The following DSCAM variants were observed in gnomAD, a reference collection of about 807,000 sequenced individuals.
DSCAM encodes the protein DS cell adhesion molecule, also known as cell adhesion molecule DSCAM.
In DSCAM, 47 loss-of-function variants were observed where a neutral mutation model predicts 217.7. The observed-to-expected ratio is 0.22, with a 90% CI of 0.17 to 0.28. The LOEUF (loss-of-function observed/expected upper bound fraction) is 0.28. Ranked by LOEUF, DSCAM falls within the 10% of genes least tolerant of loss-of-function variation. The pLI is 1.00. For synonymous variants in DSCAM, 1,056 were observed against 1,015.3 expected (o/e 1.04, Z -0.76); for missense variants, 2,080 against 2,618.3 (o/e 0.79, Z 4.49).
rs902261876 is a variant in DSCAM at position 40,016,984 on chromosome 21, T to C, written c.5687-3598A>G. ...TAGAAAAATCAGCTGGACGTGGTGG[T>C]ACACGCCTGTAATCCCAGCTACTCA... is the stretch of plus-strand genomic sequence containing the variant. On this transcript the variant is annotated intron_variant, in intron 32 of 32. Transcript: ENST00000400454. The surrounding 1 kb of genome is among the most constrained non-coding windows in gnomAD (Gnocchi z 4.3). Among the ~76,000 whole-genome samples the C allele has an allele frequency of 4.0e-5, 6 of 151,872 alleles. No homozygotes were observed. The highest frequency in any genetic ancestry group is 8.8e-5 in the Non-Finnish European group (6 of 67,982).
At chr21:40,673,077 C>G (rs1352491426) in intron 3 of DSCAM, among the ~76,000 whole-genome samples, 1 of 152,206 alleles carries the variant, frequency 6.6e-6, no homozygotes, top group East Asian at 1.9e-4. Context: ...CAGGCTGGCC[C>G]TGCCCCATCC....
chr21:40,661,944 G>T (rs561069060), intron 3 of DSCAM, among the ~76,000 whole-genome samples: 1 of 152,124 alleles, frequency 6.6e-6, no homozygotes, highest in African/African-American at 2.4e-5. Flanking sequence ...CTAAAATTGA[G>T]ATTTTTATGA....
intron 20 of DSCAM, among the ~76,000 whole-genome samples, chr21:40,113,421 TAAG>T (rs953284076): frequency 3.9e-5 from 6 of 152,108 alleles, no homozygotes; most frequent in African/African-American, 9.7e-5. Context: ...CTCAAAATAA[TAAG>T]AACTATCTAT....
chr21:40,462,892 C>T (rs2075817312), intron 3 of DSCAM, among the ~76,000 whole-genome samples: 1 of 152,150 alleles, frequency 6.6e-6, no homozygotes, highest in Admixed American at 6.5e-5. Flanking sequence ...AACCCCCAGT[C>T]ATTTCTGAAA....
chr21:40,019,900 A>G (rs930904235), intron 32 of DSCAM, among the ~76,000 whole-genome samples: 1 of 151,404 alleles, frequency 6.6e-6, no homozygotes, highest in African/African-American at 2.4e-5. Context: ...GCTTCCCTCA[A>G]CCTTTCTCCA....
chr21:40,431,546 G>A (rs752351960), intron 3 of DSCAM, among the ~76,000 whole-genome samples: 10 of 152,124 alleles, frequency 6.6e-5, no homozygotes, highest in East Asian at 1.9e-4. Flanking sequence ...TGATGAAGAC[G>A]AAGACCTTTA....
At chr21:40,667,279 T>C (rs2090214474) in intron 3 of DSCAM, among the ~76,000 whole-genome samples, 1 of 152,210 alleles carries the variant, frequency 6.6e-6, no homozygotes, top group African/African-American at 2.4e-5. Context: ...GCTGAGTTCA[T>C]GTTATTTCAA....
At chr21:40,480,757 T>C (rs368384544) in intron 3 of DSCAM, among the ~76,000 whole-genome samples, 5 of 152,194 alleles carry the variant, frequency 3.3e-5, no homozygotes, top group East Asian at 1.9e-4. Context: ...GTAAAGAATG[T>C]ACATTAGGAA....
chr21:40,538,651 G>T (rs2076518774), intron 3 of DSCAM, among the ~76,000 whole-genome samples: 1 of 152,080 alleles, frequency 6.6e-6, no homozygotes, highest in African/African-American at 2.4e-5. Flanking sequence ...TTAATTTTCT[G>T]TTGTGTTTTG....
chr21:40,715,115 C>T (rs535238003), intron 1 of DSCAM, among the ~76,000 whole-genome samples: 2 of 152,318 alleles, frequency 1.3e-5, no homozygotes, highest in Middle Eastern at 3.4e-3. Flanking sequence ...CTGTTGTTTA[C>T]AATTTACTCA....
chr21:40,471,234 C>CATCT (rs1298065705), intron 3 of DSCAM, among the ~76,000 whole-genome samples: 1 of 152,162 alleles, frequency 6.6e-6, no homozygotes, highest in East Asian at 1.9e-4. Context: ...CAGAAAAAGT[C>CATCT]ATCTGTTTGT....
At chr21:40,142,360 G>A (rs540243132) in intron 18 of DSCAM, among the ~76,000 whole-genome samples, 198 bp downstream of exon 18, 3 of 152,298 alleles carry the variant, frequency 2.0e-5, no homozygotes, top group Non-Finnish European at 4.4e-5. Flanking sequence ...TTCAACTTGG[G>A]TTTCGAAGGT....
intron 3 of DSCAM, among the ~76,000 whole-genome samples, chr21:40,523,901 C>A (rs560746939): frequency 6.6e-6 from 1 of 152,074 alleles, no homozygotes; most frequent in Non-Finnish European, 1.5e-5. Flanking sequence ...GTCTGTATGC[C>A]CTCTCCTGAA....
rs34579385 is a variant in DSCAM, at chr21:40,311,933, ATTTTTTTTTT to A, written c.2062+138_2062+147del. The stretch of plus-strand genomic sequence containing the variant: ...AATTCATGGTTGGGTTTAGAGTCGT[ATTTTTTTTTT>A]TTTTTTTTTTTTTTTTTAGTGAGAT... On this transcript the variant is annotated intron_variant, in intron 9 of 32. Transcript: ENST00000400454. 11 of 202,446 alleles carry A rather than the reference ATTTTTTTTTT, an allele frequency of 5.4e-5. 1 individual carries two copies. Among genetic ancestry groups the A allele is most frequent in the East Asian group, 3.3e-4 (3 of 9,168 alleles). The allele number at this position is 202,446 out of a possible 1,614,324, so 12.5% of individuals were successfully genotyped here.
At chr21:40,305,909 T>A (rs528992336) in intron 9 of DSCAM, among the ~76,000 whole-genome samples, 2 of 152,214 alleles carry the variant, frequency 1.3e-5, no homozygotes, top group African/African-American at 4.8e-5. Context: ...GGCTTAGGAT[T>A]GACTTGGCGA....
At chr21:40,287,108 G>A (rs2073837947) in intron 10 of DSCAM, among the ~76,000 whole-genome samples, 1 of 151,892 alleles carries the variant, frequency 6.6e-6, no homozygotes, top group Admixed American at 6.5e-5. Flanking sequence ...GATCCACAGT[G>A]TGATCTCAAG....
At chr21:40,692,739 G>T in intron 3 of DSCAM, 71 bp downstream of exon 3, 2 of 1,530,598 alleles carry the variant, frequency 1.3e-6, no homozygotes, top group South Asian at 1.2e-5. Context: ...ACGGAGACCC[G>T]ATTCCATCTC....
chr21:40,111,809 G>C (rs1470557703), intron 20 of DSCAM, among the ~76,000 whole-genome samples: 1 of 151,790 alleles, frequency 6.6e-6, no homozygotes, highest in African/African-American at 2.4e-5. Flanking sequence ...AAGATCAAAA[G>C]AGACAAAGAA....
chr21:40,757,547 A>G (rs960707984), intron 1 of DSCAM, among the ~76,000 whole-genome samples: 1 of 152,210 alleles, frequency 6.6e-6, no homozygotes, highest in African/African-American at 2.4e-5. Context: ...TGATGCAAGC[A>G]GTTGGGAAGG....
Sources: allele counts gnomAD v4.1 joint callset (sites outside exome capture counted in the v4.1 genomes callset), GRCh38; gene constraint gnomAD v4.1.1; non-coding constraint Gnocchi (gnomAD v3.1); transcripts MANE v1.5; gene names NCBI Gene and HGNC (gene_info 2026-07-23, HGNC 2026-07-21).